Variants in TREML4 observed in about 807,000 individuals in gnomAD.
The protein encoded by TREML4 is trem-like transcript 4 protein.
TREML4 carries 25 observed loss-of-function variants against 25.4 expected under a neutral mutation model. The ratio of observed to expected loss-of-function variants is 0.98; its 90% CI spans 0.72 to 1.37. TREML4 has a LOEUF of 1.37. TREML4 is among the 40% of genes most tolerant of loss of function. The pLI is 0.00. For missense variants in TREML4, 268 were observed against 236.5 expected (o/e 1.13, Z -0.87); for synonymous variants, 92 against 87.9 (o/e 1.05, Z -0.26).
rs184405293 is a variant in TREML4, at chr6:41,234,130, G to T, written c.507-2356G>T. Among the ~76,000 whole-genome samples, 18 of 151,950 alleles carry T rather than the reference G, an allele frequency of 1.2e-4. 1 individual carries two copies. The highest frequency in any genetic ancestry group is 2.1e-4 in the Non-Finnish European group (14 of 67,844). On this transcript the variant is annotated intron_variant, in intron 4 of 5. Transcript: ENST00000341495. ...TGAAGAAATTCTAAAGAATCAGTAC[G>T]ACACAGAATATATTCTCCAAACCTA...
rs1364757814 is a variant in TREML4, at chr6:41,237,055, G to A, written c.*36G>A. The A allele has an allele frequency of 6.4e-6, 1 of 157,360 alleles. No individual in the cohort carries two copies. Among genetic ancestry groups the A allele is most frequent in the Non-Finnish European group, 1.4e-5 (1 of 71,160 alleles). The allele number at this position is 157,360 out of a possible 1,614,324, so 9.7% of individuals were successfully genotyped here. A position where few individuals can be genotyped will look rare whatever the true frequency, so the allele number is the denominator to read the frequency against. ...CTTTCCCCCTCTTGCCCCATCTCAG[G>A]ACAGCAGTGACGAGGTTTCTGATTG... On this transcript the variant is annotated splice_region_variant and 3_prime_UTR_variant, in exon 6 of 6. Coordinates refer to ENST00000341495, the MANE Select transcript of TREML4 (RefSeq NM_198153.3).
chr6:41,230,639 G>A (rs772024517), intron 4 of TREML4, among the ~76,000 whole-genome samples: 9 of 152,158 alleles, frequency 5.9e-5, no homozygotes, highest in Non-Finnish European at 1.2e-4. Context: ...AGACATGAGC[G>A]ATTGATGAAA....
chr6:41,229,953 T>C, intron 3 of TREML4, 109 bp from the exon 4 acceptor site: 1 of 925,940 alleles, frequency 1.1e-6, no homozygotes, highest in Non-Finnish European at 1.8e-6. Context: ...GAGGGACCCT[T>C]AGGGGCTGCC....
chr6:41,234,157 C>T (rs1470325521), intron 4 of TREML4, among the ~76,000 whole-genome samples: 7 of 151,888 alleles, frequency 4.6e-5, no homozygotes, highest in Non-Finnish European at 7.4e-5. Context: ...CCAAACCTAA[C>T]GCAATGACAT....
chr6:41,229,697 G>GT lies in TREML4; in HGVS notation c.445+127dup, dbSNP rs67325451. On this transcript the variant is annotated intron_variant, in intron 3 of 5. Transcript: ENST00000341495. ...GACTGATCTCTTGGGGCCTGGGCTT[G>GT]TGGGAAGCTACCTTCAGGGCCCACT... The GT allele has an allele frequency of 2.9e-6, 3 of 1,018,338 alleles. No homozygotes were observed. In the South Asian group the frequency reaches 3.8e-5, roughly 13 times the overall value. 63.1% of individuals were successfully genotyped at this position (1,018,338 alleles called of 1,614,324 possible).
At position 41,236,600 on chromosome 6, in the gene TREML4, G is replaced by C; in HGVS notation, c.*18G>C. 1 of 1,598,070 alleles carries C rather than the reference G, an allele frequency of 6.3e-7. No individual in the cohort carries two copies. Among genetic ancestry groups the C allele is most frequent in the Non-Finnish European group, 8.6e-7 (1 of 1,165,732 alleles). On this transcript the variant is annotated 3_prime_UTR_variant, in exon 5 of 6. Transcript: ENST00000341495. ...TGTTGTGAGTCCTGTTAGTGCTCCT[G>C]ATCTGCAGGTGCCACAGGTGAGGGG...
chr6:41,230,728 A>G (rs559350352), intron 4 of TREML4, among the ~76,000 whole-genome samples: 1 of 152,276 alleles, frequency 6.6e-6, no homozygotes, highest in East Asian at 1.9e-4. Context: ...TTACAAACAG[A>G]CTATCTCTCA....
chr6:41,228,354 C>T lies in TREML4; in HGVS notation c.-74C>T. The T allele has an allele frequency of 1.1e-6, 1 of 937,862 alleles. No homozygotes were observed. The highest frequency in any genetic ancestry group is 1.5e-6 in the Non-Finnish European group (1 of 663,630). The allele number at this position is 937,862 out of a possible 1,614,324, so 58.1% of individuals were successfully genotyped here. A position where few individuals can be genotyped will look rare whatever the true frequency, so the allele number is the denominator to read the frequency against. Reference sequence around the variant, plus strand: ...TGGGAACCTGGGGCAGAATCAGACCCAGCGTCTGACTCCTCCTGAGAGGGC... The same window carrying T: ...TGGGAACCTGGGGCAGAATCAGACCTAGCGTCTGACTCCTCCTGAGAGGGC... On this transcript the variant is annotated 5_prime_UTR_variant, in exon 1 of 6. Coordinates refer to ENST00000341495, the MANE Select transcript of TREML4 (RefSeq NM_198153.3).
At chr6:41,231,024 C>A in intron 4 of TREML4, 1 of 362,542 alleles carries the variant, frequency 2.8e-6, no homozygotes. Context: ...GTTGCACGCT[C>A]CTTATGATAA....
At chr6:41,229,885 G>C (rs546124532) in intron 3 of TREML4, among the ~76,000 whole-genome samples, 177 bp from the exon 4 acceptor site, 1 of 152,326 alleles carries the variant, frequency 6.6e-6, no homozygotes, top group South Asian at 2.1e-4. Context: ...GGAGAGGACA[G>C]TGCCAGACTT....
intron 4 of TREML4, 109 bp downstream of exon 4, chr6:41,230,231 G>C (rs1766765705): frequency 1.1e-6 from 1 of 930,604 alleles, no homozygotes; most frequent in Admixed American, 1.8e-5. Context: ...TTCTCTGGTG[G>C]GTTGGGGCAT....
At chr6:41,234,777 C>T (rs1465579854) in intron 4 of TREML4, among the ~76,000 whole-genome samples, 1 of 150,870 alleles carries the variant, frequency 6.6e-6, no homozygotes, top group Non-Finnish European at 1.5e-5. Context: ...TTCAGGTAAC[C>T]CAATTTTTAA....
intron 4 of TREML4, among the ~76,000 whole-genome samples, chr6:41,231,752 A>T (rs1020104222): frequency 1.2e-4 from 19 of 152,250 alleles, no homozygotes; most frequent in African/African-American, 4.6e-4. Context: ...CTGGAGATTT[A>T]AAAATCAAAG....
At position 41,228,853 on chromosome 6, in the gene TREML4, C is replaced by T; in HGVS notation, c.203C>T (p.Thr68Ile). The T allele has an allele frequency of 6.2e-7, 1 of 1,614,144 alleles. No homozygotes were observed. The highest frequency in any genetic ancestry group is 8.5e-7 in the Non-Finnish European group (1 of 1,180,000). ...TSPSRCTLLV[T>I]SSKPWTAVQK... ...CCAAGTCGGTGTACCTTACTTGTCA[C>T]CAGCTCCAAGCCCTGGACAGCAGTT... The change falls in exon 2 of 6, where the codon ACC becomes ATC. Residue 68 changes from threonine (T) to isoleucine (I), a missense_variant. Coordinates refer to ENST00000341495, the MANE Select transcript of TREML4 (RefSeq NM_198153.3).
At chr6:41,230,451 C>T (rs1766774683) in intron 4 of TREML4, among the ~76,000 whole-genome samples, 1 of 152,146 alleles carries the variant, frequency 6.6e-6, no homozygotes, top group African/African-American at 2.4e-5. Flanking sequence ...TCACTGCAGC[C>T]TGGGGCAGAT....
At chr6:41,231,615 AG>A (rs890083561) in intron 4 of TREML4, among the ~76,000 whole-genome samples, 21 of 152,254 alleles carry the variant, frequency 1.4e-4, no homozygotes, top group Admixed American at 1.1e-3. Flanking sequence ...ATTGGAAAAA[AG>A]AGCCAAATGC....
Position 41,229,587 on chromosome 6 carries a change from C to T in TREML4, c.445+16C>T, listed in dbSNP as rs141789667. The T allele has an allele frequency of 2.5e-4, 406 of 1,613,456 alleles. 3 individuals are homozygous for T. The African/African-American group carries it at 3.7e-3, about 15-fold the overall frequency. ...ACAAGCACAGGTAGGTTGGAGGCCT[C>T]GGTGGGGGAAGATTAGAAGGGTCAC... On this transcript the variant is annotated intron_variant, in intron 3 of 5. Coordinates refer to ENST00000341495, the MANE Select transcript of TREML4 (RefSeq NM_198153.3).
At chr6:41,230,337 A>G (rs190226775) in intron 4 of TREML4, among the ~76,000 whole-genome samples, 6 of 152,322 alleles carry the variant, frequency 3.9e-5, no homozygotes, top group African/African-American at 1.4e-4. Context: ...GGAACCATGG[A>G]AAAGACAGTT....
chr6:41,238,492 A>G lies in TREML4; in HGVS notation c.*1473A>G, dbSNP rs4711664. On this transcript the variant is annotated 3_prime_UTR_variant, in exon 6 of 6. Coordinates refer to ENST00000341495, the MANE Select transcript of TREML4 (RefSeq NM_198153.3). Reference sequence around the variant, plus strand: ...TCCCACAGTGCATCATTCCGAACCCAGGGTGCATGTGCTTTTTTGCCTTCA... The same window carrying G: ...TCCCACAGTGCATCATTCCGAACCCGGGGTGCATGTGCTTTTTTGCCTTCA... 75,108 of 152,046 alleles carry G rather than the reference A, an allele frequency of 0.49. 19,026 individuals carry two copies. Among genetic ancestry groups the G allele is most frequent in the Non-Finnish European group, 0.56 (37,879 of 67,990 alleles). 9.4% of individuals were successfully genotyped at this position (152,046 alleles called of 1,614,324 possible).
Sources: gnomAD v4.1 joint callset for allele counts (sites outside exome capture counted in the v4.1 genomes callset) on GRCh38, gnomAD v4.1.1 for gene constraint, MANE v1.5 for transcripts, NCBI Gene and HGNC (gene_info 2026-07-23, HGNC 2026-07-21) for gene names.